Variants in EPHA7 observed in about 807,000 individuals in gnomAD.
EPHA7 encodes the protein ephrin type-A receptor 7.
EPHA7 carries 25 observed loss-of-function variants against 112.6 expected under a neutral mutation model. The observed-to-expected ratio is 0.22, with a 90% CI of 0.16 to 0.31. EPHA7 has a LOEUF of 0.31. Among genes scored for constraint, EPHA7 ranks in the 10% least tolerant of loss-of-function variants. The pLI is 1.00. For missense variants in EPHA7, 962 were observed against 1,212.6 expected (o/e 0.79, Z 3.07); for synonymous variants, 437 against 406.5 (o/e 1.07, Z -0.90).
intron 6 of EPHA7, 145 bp from the exon 7 acceptor site, chr6:93,269,805 T>C: frequency 1.7e-6 from 1 of 574,782 alleles, no homozygotes; most frequent in South Asian, 4.3e-5. Context: ...GTTAAATCAC[T>C]TCTAAGGTAA....
intron 5 of EPHA7, among the ~76,000 whole-genome samples, chr6:93,353,848 G>GA (rs1326567970): frequency 1.3e-5 from 2 of 151,980 alleles, no homozygotes; most frequent in African/African-American, 4.8e-5. Flanking sequence ...TTCTTCCTGT[G>GA]AGCAAAGGAT....
intron 3 of EPHA7, among the ~76,000 whole-genome samples, chr6:93,384,323 G>T (rs1777492983): frequency 1.3e-5 from 2 of 151,944 alleles, no homozygotes; most frequent in Non-Finnish European, 2.9e-5. Flanking sequence ...AGAAGTTGTT[G>T]CCTTCAGCCT....
At chr6:93,291,371 G>A (rs1346486821) in intron 5 of EPHA7, among the ~76,000 whole-genome samples, 35 of 151,964 alleles carry the variant, frequency 2.3e-4, no homozygotes, top group Non-Finnish European at 2.9e-5. Flanking sequence ...TTTAGTCAAA[G>A]ACCAAAGAGA....
At position 93,257,457 on chromosome 6, in the gene EPHA7, C is replaced by T; in HGVS notation, c.2172+5G>A. On this transcript the variant is annotated splice_donor_5th_base_variant and intron_variant, in intron 12 of 16. Coordinates refer to ENST00000369303, the MANE Select transcript of EPHA7 (RefSeq NM_004440.4). ...TTAGAATAAGTGGATCACTTTGGTA[C>T]TTACCCTGAGAAATGCATCTAGGGC... is the stretch of plus-strand genomic sequence containing the variant. 1.9e-6 allele frequency: 3 copies of T among 1,604,294 alleles called. No individual in the cohort carries two copies. The highest frequency in any genetic ancestry group is 2.6e-6 in the Non-Finnish European group (3 of 1,172,818).
chr6:93,396,697 T>G (rs1419230864), intron 3 of EPHA7, among the ~76,000 whole-genome samples: 1 of 151,864 alleles, frequency 6.6e-6, no homozygotes, highest in African/African-American at 2.4e-5. Flanking sequence ...AACTCAGCTC[T>G]AAAGTACTAC....
At position 93,336,403 on chromosome 6, in the gene EPHA7, T is replaced by C. The variant is rs551518252; in HGVS notation, c.1324+20314A>G. 9.9e-5 allele frequency among the ~76,000 whole-genome samples: 15 copies of C among 152,154 alleles called. No individual in the cohort carries two copies. The East Asian group carries it at 2.9e-3, about 29-fold the overall frequency. The stretch of plus-strand genomic sequence containing the variant: ...CAACTGTTCAAAGCCTTTTACACTT[T>C]GTTGTTGTTGTTGTTTTGAGATGAA... On this transcript the variant is annotated intron_variant, in intron 5 of 16. Transcript: ENST00000369303.
chr6:93,262,454 GT>G (rs1770732716), intron 9 of EPHA7, among the ~76,000 whole-genome samples: 1 of 151,306 alleles, frequency 6.6e-6, no homozygotes, highest in South Asian at 2.1e-4. Context: ...CCCATATACA[GT>G]TTGGGATACT....
At chr6:93,416,470 G>T (rs1437130642) in intron 1 of EPHA7, among the ~76,000 whole-genome samples, 2 of 152,160 alleles carry the variant, frequency 1.3e-5, no homozygotes, top group African/African-American at 4.8e-5. Context: ...CTCAGCCTGG[G>T]GGTGGAAGCA....
chr6:93,414,192 G>T (rs1428908990), intron 2 of EPHA7, among the ~76,000 whole-genome samples: 1 of 151,770 alleles, frequency 6.6e-6, no homozygotes, highest in African/African-American at 2.4e-5. Context: ...TAAATTTGGA[G>T]AATCTATATA....
chr6:93,351,188 T>C (rs971165282), intron 5 of EPHA7, among the ~76,000 whole-genome samples: 7 of 152,020 alleles, frequency 4.6e-5, no homozygotes, highest in African/African-American at 1.7e-4. Flanking sequence ...CTGCAACCCA[T>C]GTCTGGACAA....
chr6:93,264,557 AT>A, intron 8 of EPHA7, 36 bp downstream of exon 8: 1 of 1,339,808 alleles, frequency 7.5e-7, no homozygotes, highest in Non-Finnish European at 1.1e-6. Flanking sequence ...AAAACAATAC[AT>A]TTTATGTTAG....
intron 5 of EPHA7, among the ~76,000 whole-genome samples, chr6:93,312,946 T>C (rs1158442137): frequency 1.3e-5 from 2 of 152,148 alleles, no homozygotes; most frequent in Admixed American, 1.3e-4. Flanking sequence ...ACAGCATTTA[T>C]CAATTAAGTT....
intron 3 of EPHA7, among the ~76,000 whole-genome samples, chr6:93,375,102 C>T (rs908535708): frequency 2.0e-5 from 3 of 152,018 alleles, no homozygotes; most frequent in Non-Finnish European, 4.4e-5. Flanking sequence ...TATACTGGAT[C>T]CTTGAAAATA....
Position 93,356,858 on chromosome 6 carries a change from A to C in EPHA7, c.1183T>G (p.Leu395Val), listed in dbSNP as rs971828200. Residue 395 changes from leucine (L) to valine (V), a missense_variant, in exon 5 of 17, where the codon TTA (leucine) becomes GTA (valine). This residue lies in a region of EPHA7 where 746 missense variants were observed against 889.2 expected (regional missense o/e 0.84). Transcript: ENST00000369303. ...NIGYMPQQTGLEDNYVTVMDL... is the reference protein window; with the variant it reads ...NIGYMPQQTGVEDNYVTVMDL... ...ATGACAGTGACATAGTTATCCTCTA[A>C]TCCAGTCTGCTGGGGCATGTATCCA... is the stretch of plus-strand genomic sequence containing the variant. The C allele has an allele frequency of 6.2e-7, 1 of 1,614,004 alleles. No homozygotes were observed. The highest frequency in any genetic ancestry group is 8.5e-7 in the Non-Finnish European group (1 of 1,180,026).
At chr6:93,299,773 C>G (rs958804429) in intron 5 of EPHA7, among the ~76,000 whole-genome samples, 2 of 152,176 alleles carry the variant, frequency 1.3e-5, no homozygotes, top group African/African-American at 4.8e-5. Flanking sequence ...TACATATACA[C>G]CATGGAATAC....
In EPHA7 at chr6:93,255,904, T is replaced by A; in HGVS notation, c.2306A>T (p.Asn769Ile). The change falls in exon 13 of 17, where the codon AAT (asparagine) becomes ATT (isoleucine). Residue 769 changes from asparagine to isoleucine, a missense_variant. Asn to Ile is a moderately radical substitution (Grantham distance 149). Transcript: ENST00000369303. ...LAARNILVNS[N>I]LVCKVSDFGL... ...AAAATCTGACACTTTACAAACGAGA[T>A]TGCTGTTGACAAGAATATTGCGAGC... 1 of 1,614,094 alleles carries A rather than the reference T, an allele frequency of 6.2e-7. No individual in the cohort carries two copies. The highest frequency in any genetic ancestry group is 8.5e-7 in the Non-Finnish European group (1 of 1,179,998).
At chr6:93,282,476 C>T (rs576534743) in intron 5 of EPHA7, among the ~76,000 whole-genome samples, 43 of 152,360 alleles carry the variant, frequency 2.8e-4, no homozygotes, top group African/African-American at 9.9e-4. Flanking sequence ...TGAGAGGTGA[C>T]AGCATGCTGG....
At position 93,243,474 on chromosome 6, in the gene EPHA7, A is replaced by C. The variant is rs888376578; in HGVS notation, c.2949T>G (p.Thr983=). 3 of 1,613,490 alleles carry C rather than the reference A, an allele frequency of 1.9e-6. No homozygotes were observed. In the African/African-American group the frequency reaches 4.0e-5, roughly 22 times the overall value. The change falls in exon 17 of 17, where the codon ACT becomes ACG. Residue 983 remains threonine, a synonymous_variant. Coordinates refer to ENST00000369303, the MANE Select transcript of EPHA7 (RefSeq NM_004440.4). ...HQKKIMSSIQ[T]MRAQMLHLHG... is the part of the protein sequence containing the mutation. The stretch of plus-strand genomic sequence containing the variant: ...GTAAATGTAGCATTTGTGCTCTCAT[A>C]GTCTGAATGCTGCTCATGATTTTCT...
rs151079803 is a variant in EPHA7, at chr6:93,274,270, A to G, written c.1325-1848T>C. 2.4e-3 allele frequency among the ~76,000 whole-genome samples: 359 copies of G among 151,990 alleles called. 2 individuals carry two copies. Among genetic ancestry groups the G allele is most frequent in the African/African-American group, 8.3e-3 (345 of 41,504 alleles). On this transcript the variant is annotated intron_variant, in intron 5 of 16. Coordinates refer to ENST00000369303, the MANE Select transcript of EPHA7 (RefSeq NM_004440.4). ...ATCCCTAACTATCACTTTGCTTGGT[A>G]TGATAAAAGAGGCAGGAGACTCTGA... is the stretch of plus-strand genomic sequence containing the variant.
Sources: gnomAD v4.1 joint callset for allele counts (sites outside exome capture counted in the v4.1 genomes callset) on GRCh38, gnomAD v4.1.1 for gene constraint, gnomAD v4.1.1 regional missense constraint, MANE v1.5 for transcripts, NCBI Gene and HGNC (gene_info 2026-07-23, HGNC 2026-07-21) for gene names.